ADCY6: variants seen among roughly 807,000 people sequenced by gnomAD.
ADCY6 encodes adenylate cyclase 6.
ADCY6 carries 59 observed loss-of-function variants against 111.6 expected under a neutral mutation model. That is an observed-to-expected ratio of 0.53 (90% CI 0.43 to 0.66). ADCY6 has a LOEUF of 0.66. ADCY6 is among the 30% of genes least tolerant of loss of function. The probability of loss-of-function intolerance (pLI) is 0.00; values close to 1 mark genes in which losing one functional copy is unlikely to be tolerated. For missense variants in ADCY6, 1,242 were observed against 1,595.6 expected (o/e 0.78, Z 3.78); for synonymous variants, 576 against 642.9 (o/e 0.90, Z 1.57).
chr12:48,789,420 C>T (rs1030944289), upstream of ADCY6, among the ~76,000 whole-genome samples: 9 of 152,208 alleles, frequency 5.9e-5, no homozygotes, highest in African/African-American at 2.2e-4. Flanking sequence ...TCCTCTCCCG[C>T]CCTCACCCCG....
At chr12:48,770,608 T>A (rs1309784166) in intron 20 of ADCY6, among the ~76,000 whole-genome samples, 158 bp downstream of exon 20, 1 of 152,174 alleles carries the variant, frequency 6.6e-6, no homozygotes, top group Non-Finnish European at 1.5e-5. Context: ...TGCCTAATGA[T>A]CTCTGTTCTT....
Position 48,773,958 on chromosome 12 carries a change from G to T in ADCY6, c.2424C>A (p.Pro808=). ...LDAPLCEGTM[P]TCSFPEYFIG... ...CGAACACCTCAGGAAAGCTGCAGGT[G>T]GGCATGGTGCCCTCACACAGGGGAG... Residue 808 remains proline (P), a synonymous_variant, in exon 15 of 22, where the codon CCC becomes CCA. Transcript: ENST00000357869. 6.2e-7 allele frequency: 1 copy of T among 1,613,846 alleles called. No individual in the cohort carries two copies. Among genetic ancestry groups the T allele is most frequent in the Non-Finnish European group, 8.5e-7 (1 of 1,179,898 alleles).
chr12:48,776,635 C>G lies in ADCY6; in HGVS notation c.1377-49G>C. 6.4e-7 allele frequency: 1 copy of G among 1,566,930 alleles called. No individual in the cohort carries two copies. The highest frequency in any genetic ancestry group is 2.2e-5 in the East Asian group (1 of 44,506). ...AGCTCCTGGCAGTCTTCCCCTCCCC[C>G]AGCCCACAACCCAGGCCCTTCACTC... On this transcript the variant is annotated intron_variant, in intron 6 of 21. Coordinates refer to ENST00000357869, the MANE Select transcript of ADCY6 (RefSeq NM_015270.5). The surrounding 1 kb of genome is among the most constrained non-coding windows in gnomAD (Gnocchi z 6.1).
Position 48,782,824 on chromosome 12 carries a change from C to G in ADCY6, c.611G>C (p.Arg204Pro). 1 of 1,614,048 alleles carries G rather than the reference C, an allele frequency of 6.2e-7. No individual in the cohort carries two copies. The highest frequency in any genetic ancestry group is 1.3e-5 in the African/African-American group (1 of 75,058). The change falls in exon 2 of 22, where the codon CGC (arginine) becomes CCC (proline). Residue 204 changes from arginine (R) to proline (P), a missense_variant. By Grantham distance (103) the Arg-to-Pro change is moderately radical. This residue lies in a region of ADCY6 where 362 missense variants were observed against 377.2 expected (regional missense o/e 0.96). Transcript: ENST00000357869. The surrounding 1 kb of genome is among the most constrained non-coding windows in gnomAD (Gnocchi z 4.3). Reference protein sequence around the residue: ...LMVVCNRHSFRQDSMWVVSYV... With the variant: ...LMVVCNRHSFPQDSMWVVSYV... ...GCTCACCACCCACATGGAGTCCTGG[C>G]GGAAGCTATGCCGGTTACACACCAC...
intron 9 of ADCY6, 127 bp from the exon 10 acceptor site, chr12:48,775,825 G>A (rs749127708): frequency 1.1e-4 from 168 of 1,508,758 alleles, no homozygotes; most frequent in Non-Finnish European, 1.4e-4. Flanking sequence ...ACTGGGACCC[G>A]AGATGAAATC....
At chr12:48,775,193 G>C (rs1250375367) in intron 11 of ADCY6, 110 bp downstream of exon 11, 1 of 1,521,496 alleles carries the variant, frequency 6.6e-7, no homozygotes, top group East Asian at 2.3e-5. Context: ...CTGCTCTGTG[G>C]TCCCTTCTCC....
chr12:48,787,335 G>A (rs1339278612), intron 1 of ADCY6, among the ~76,000 whole-genome samples: 1 of 150,768 alleles, frequency 6.6e-6, no homozygotes, highest in African/African-American at 2.5e-5. Flanking sequence ...ACACATCCTA[G>A]CATCTGGCTC....
At position 48,777,382 on chromosome 12, in the gene ADCY6, G is replaced by A. The variant is rs1381556881; in HGVS notation, c.1248+28C>T. 6.2e-7 allele frequency: 1 copy of A among 1,611,424 alleles called. No individual in the cohort carries two copies. Among genetic ancestry groups the A allele is most frequent in the Non-Finnish European group, 8.5e-7 (1 of 1,177,820 alleles). On this transcript the variant is annotated intron_variant, in intron 5 of 21. Transcript: ENST00000357869. The surrounding 1 kb of genome is among the most constrained non-coding windows in gnomAD (Gnocchi z 4.9). ...TGCTCTCACCACGGTCAACACCCAG[G>A]CCCAATCCCAAGGCCCAGCACCCTC...
rs1259416829 is a variant in ADCY6, at chr12:48,777,546, C to T, written c.1137-25G>A. The T allele has an allele frequency of 5.6e-6, 9 of 1,614,020 alleles. No individual in the cohort carries two copies. Among genetic ancestry groups the T allele is most frequent in the Non-Finnish European group, 7.6e-6 (9 of 1,179,964 alleles). The stretch of plus-strand genomic sequence containing the variant: ...GCTGTAGATGACAGCAGAGGATGAA[C>T]AGAACACATAGCCCTCAAAGACTTC... On this transcript the variant is annotated intron_variant, in intron 4 of 21. Transcript: ENST00000357869. The surrounding 1 kb of genome is among the most constrained non-coding windows in gnomAD (Gnocchi z 4.9).
rs7300155 is a variant in ADCY6, at chr12:48,768,815, G to A, written c.3382-99C>T. 0.15 allele frequency: 239,352 copies of A among 1,554,538 alleles called. 22,983 individuals are homozygous for A. The highest frequency in any genetic ancestry group is 0.46 in the African/African-American group (34,004 of 73,702). ...TAGTCAGGCTAGCTCCCTTCCCCCA[G>A]TCCCTGCCCCACCATACACAGAACA... On this transcript the variant is annotated intron_variant, in intron 21 of 21. Coordinates refer to ENST00000357869, the MANE Select transcript of ADCY6 (RefSeq NM_015270.5).
chr12:48,782,660 C>T lies in ADCY6; in HGVS notation c.775G>A (p.Ala259Thr), dbSNP rs144914540. ...AGGCCCAGGCCGCTGAGGACGGCAGCCCGCATGCGGATGGGGAGGAGCGTG... is the reference window on the plus strand; with the variant it reads ...AGGCCCAGGCCGCTGAGGACGGCAGTCCGCATGCGGATGGGGAGGAGCGTG... Reference protein sequence around the residue: ...AYTLLPIRMRAAVLSGLGLST... With the variant: ...AYTLLPIRMRTAVLSGLGLST... Residue 259 changes from alanine to threonine, a missense_variant, in exon 2 of 22, where the codon GCT becomes ACT. Transcript: ENST00000357869. This position sits in a 1 kb window ranked among gnomAD's most constrained non-coding sequence, Gnocchi z 4.3. 13 of 1,601,156 alleles carry T rather than the reference C, an allele frequency of 8.1e-6. 1 individual carries two copies. The highest frequency in any genetic ancestry group is 6.9e-5 in the Admixed American group (4 of 58,028).
chr12:48,788,692 G>A (rs1942027738), intron 1 of ADCY6, among the ~76,000 whole-genome samples: 1 of 152,076 alleles, frequency 6.6e-6, no homozygotes. Flanking sequence ...GGCGACGGGG[G>A]TGGCGAGCGC....
chr12:48,772,948 GGCTCAGAGAAGCTAACTCAC>G lies in ADCY6; in HGVS notation c.2622-425_2622-406del, dbSNP rs1592156365. Among the ~76,000 whole-genome samples, 6 of 152,268 alleles carry G rather than the reference GGCTCAGAGAAGCTAACTCAC, an allele frequency of 3.9e-5. No individual in the cohort carries two copies. The East Asian group carries it at 1.2e-3, about 29-fold the overall frequency. On this transcript the variant is annotated intron_variant, in intron 16 of 21. Transcript: ENST00000357869. Reference sequence around the variant, plus strand: ...GCCATTTTACAGATGAAGAAATTGAGGCTCAGAGAAGCTAACTCACCTGTCTAAAGTCACACAGCTAATGA... The same window carrying G: ...GCCATTTTACAGATGAAGAAATTGAGCTGTCTAAAGTCACACAGCTAATGA...
In ADCY6 at chr12:48,771,280, C is replaced by A. The variant is rs1170212670; in HGVS notation, c.3052-310G>T. 1.0e-5 allele frequency: 5 copies of A among 487,910 alleles called. No individual in the cohort carries two copies. The East Asian group carries it at 1.5e-4, about 15-fold the overall frequency. 30.2% of individuals were successfully genotyped at this position (487,910 alleles called of 1,614,324 possible). ...TTGGGATACTGAGTCCCAGAGTGAG[C>A]AAGTGACTTCCCTCCAGAACAGTGA... On this transcript the variant is annotated intron_variant, in intron 19 of 21. Transcript: ENST00000357869. The surrounding 1 kb of genome is among the most constrained non-coding windows in gnomAD (Gnocchi z 4.3).
rs1247079127 is a variant in ADCY6, at chr12:48,776,161, T to C, written c.1677+48A>G. The C allele has an allele frequency of 6.2e-7, 1 of 1,613,728 alleles. No individual in the cohort carries two copies. Among genetic ancestry groups the C allele is most frequent in the Non-Finnish European group, 8.5e-7 (1 of 1,179,928 alleles). On this transcript the variant is annotated intron_variant, in intron 8 of 21. Coordinates refer to ENST00000357869, the MANE Select transcript of ADCY6 (RefSeq NM_015270.5). This position sits in a 1 kb window ranked among gnomAD's most constrained non-coding sequence, Gnocchi z 6.1. ...GAGGCCTTGGCCTGCTCCTCCCCAT[T>C]TGTCCCTCTTCTTGCTCCCCTGCCC... is the stretch of plus-strand genomic sequence containing the variant.
intron 18 of ADCY6, 29 bp from the exon 19 acceptor site, chr12:48,772,002 C>A (rs761176427): frequency 1.3e-6 from 2 of 1,586,122 alleles, no homozygotes; most frequent in Admixed American, 1.7e-5. Context: ...TCACCCATTG[C>A]CCGACATTCA....
In ADCY6 at chr12:48,785,088, C is replaced by T. The variant is rs188686227; in HGVS notation, c.-4-1650G>A. Among the ~76,000 whole-genome samples the T allele has an allele frequency of 6.9e-3, 1,053 of 152,326 alleles. 2 individuals are homozygous for T. Among genetic ancestry groups the T allele is most frequent in the Non-Finnish European group, 0.012 (848 of 68,030 alleles). Reference sequence around the variant, plus strand: ...GGTCACATCCCAAATGTCCCCTTATCAGTGAGGCTCCCTCTGACCACCCTA... The same window carrying T: ...GGTCACATCCCAAATGTCCCCTTATTAGTGAGGCTCCCTCTGACCACCCTA... On this transcript the variant is annotated intron_variant, in intron 1 of 21. Coordinates refer to ENST00000357869, the MANE Select transcript of ADCY6 (RefSeq NM_015270.5).
intron 16 of ADCY6, among the ~76,000 whole-genome samples, chr12:48,773,226 G>A (rs1941597306): frequency 6.6e-6 from 1 of 152,092 alleles, no homozygotes; most frequent in African/African-American, 2.4e-5. Flanking sequence ...CCATGCAAAT[G>A]TAAGAGGGAA....
chr12:48,782,988 C>T lies in ADCY6; in HGVS notation c.447G>A (p.Gln149=), dbSNP rs762546326. 3.1e-6 allele frequency: 5 copies of T among 1,613,778 alleles called. No individual in the cohort carries two copies. The South Asian group carries it at 5.5e-5, about 18-fold the overall frequency. ...LYQRYFFQMN[Q]SSLTLLMAVL... is the part of the protein sequence containing the mutation. ...CCGCCATCAGCAGCGTCAGGCTGCT[C>T]TGGTTCATCTGGAAGAAGTACCGCT... The change falls in exon 2 of 22, where the codon CAG becomes CAA. Residue 149 remains glutamine, a synonymous_variant. Coordinates refer to ENST00000357869, the MANE Select transcript of ADCY6 (RefSeq NM_015270.5). The surrounding 1 kb of genome is among the most constrained non-coding windows in gnomAD (Gnocchi z 4.3).
Sources: gnomAD v4.1 joint callset for allele counts (sites outside exome capture counted in the v4.1 genomes callset) on GRCh38, gnomAD v4.1.1 for gene constraint, gnomAD v4.1.1 regional missense constraint, Gnocchi (gnomAD v3.1) non-coding constraint, MANE v1.5 for transcripts, NCBI Gene and HGNC (gene_info 2026-07-23, HGNC 2026-07-21) for gene names.